The following METTL8 variants were observed in gnomAD, a reference collection of about 807,000 sequenced individuals.
METTL8 encodes methyltransferase 8, tRNA N3-cytidine, also known as tRNA N(3)-cytidine methyltransferase METTL8, mitochondrial.
In METTL8, 32 loss-of-function variants were observed where a neutral mutation model predicts 48.7. That is an observed-to-expected ratio of 0.66 (90% CI 0.50 to 0.88). METTL8 has a LOEUF of 0.88. Among genes scored for constraint, METTL8 ranks in the 40% least tolerant of loss-of-function variants. METTL8 has a pLI of 0.00. For missense variants in METTL8, 464 were observed against 474.4 expected (o/e 0.98, Z 0.20); for synonymous variants, 136 against 157.1 (o/e 0.87, Z 1.01).
intron 2 of METTL8, among the ~76,000 whole-genome samples, chr2:171,387,838 C>T (rs1238251933): frequency 2.0e-5 from 3 of 152,000 alleles, no homozygotes; most frequent in Non-Finnish European, 4.4e-5. Context: ...AATTGAGATT[C>T]GGTTGCAATA....
At chr2:171,429,895 C>G (rs1319336006) in intron 1 of METTL8, among the ~76,000 whole-genome samples, 1 of 151,954 alleles carries the variant, frequency 6.6e-6, no homozygotes, top group Non-Finnish European at 1.5e-5. Context: ...CAAAAATTAG[C>G]TGGGTGTGGT....
At chr2:171,340,242 C>G (rs1325598018) in intron 3 of METTL8, among the ~76,000 whole-genome samples, 1 of 149,126 alleles carries the variant, frequency 6.7e-6, no homozygotes, top group Non-Finnish European at 1.5e-5. Flanking sequence ...GTGGCTCATA[C>G]CTGTAATCCC....
At chr2:171,420,753 A>C (rs529778302) in intron 1 of METTL8, among the ~76,000 whole-genome samples, 234 of 152,328 alleles carry the variant, frequency 1.5e-3, no homozygotes, top group African/African-American at 5.2e-3. Context: ...AAGTATATCA[A>C]TGTAATTTGC....
At chr2:171,337,713 AC>A (rs1686264911) in intron 4 of METTL8, among the ~76,000 whole-genome samples, 1 of 152,050 alleles carries the variant, frequency 6.6e-6, no homozygotes, top group African/African-American at 2.4e-5. Flanking sequence ...ACACACCAAA[AC>A]CCAAAATAAA....
chr2:171,396,975 C>T (rs1014554553), intron 1 of METTL8, among the ~76,000 whole-genome samples: 1 of 151,034 alleles, frequency 6.6e-6, no homozygotes, highest in Non-Finnish European at 1.5e-5. Context: ...AGGCATGTAC[C>T]ACCACACCTG....
chr2:171,408,866 G>A (rs1690457946), intron 1 of METTL8, among the ~76,000 whole-genome samples: 2 of 152,076 alleles, frequency 1.3e-5, no homozygotes, highest in South Asian at 2.1e-4. Context: ...GCTTCTGGGA[G>A]GTAACACATG....
At chr2:171,390,761 G>A (rs1383965707) in intron 2 of METTL8, among the ~76,000 whole-genome samples, 1 of 152,138 alleles carries the variant, frequency 6.6e-6, no homozygotes, top group Non-Finnish European at 1.5e-5. Context: ...TTCTTGAGAT[G>A]GAATCTACTT....
chr2:171,360,367 G>A, intron 3 of METTL8, 55 bp downstream of exon 3: 4 of 1,449,982 alleles, frequency 2.8e-6, no homozygotes, highest in Non-Finnish European at 3.8e-6. Context: ...GACACGAGGA[G>A]GAGGAAAAGT....
chr2:171,331,424 C>CTT (rs34718824), intron 6 of METTL8, among the ~76,000 whole-genome samples: 1 of 132,114 alleles, frequency 7.6e-6, no homozygotes, highest in Non-Finnish European at 1.6e-5. Flanking sequence ...GGCCTTTCAT[C>CTT]TTTTTTTTTT....
intron 7 of METTL8, among the ~76,000 whole-genome samples, chr2:171,329,105 C>T (rs554934389): frequency 3.8e-4 from 58 of 152,280 alleles, no homozygotes; most frequent in African/African-American, 1.3e-3. Context: ...CCTGCCTCAG[C>T]CTCCCAAGGA....
chr2:171,372,552 T>C (rs1040235525), intron 2 of METTL8, among the ~76,000 whole-genome samples: 7 of 152,104 alleles, frequency 4.6e-5, no homozygotes, highest in African/African-American at 1.7e-4. Flanking sequence ...GTTACATATG[T>C]ATACATGCGC....
chr2:171,360,172 G>C (rs1685013196), intron 3 of METTL8, among the ~76,000 whole-genome samples: 2 of 152,160 alleles, frequency 1.3e-5, no homozygotes, highest in African/African-American at 4.8e-5. Flanking sequence ...TTCATATTTT[G>C]TTTGAAATGC....
chr2:171,362,254 A>C (rs931259224), intron 2 of METTL8, among the ~76,000 whole-genome samples: 1 of 152,154 alleles, frequency 6.6e-6, no homozygotes, highest in East Asian at 1.9e-4. Context: ...CCATGACTAA[A>C]GTGGTAGCTA....
intron 2 of METTL8, among the ~76,000 whole-genome samples, chr2:171,372,072 G>A (rs1686419293): frequency 6.6e-6 from 1 of 152,064 alleles, no homozygotes; most frequent in African/African-American, 2.4e-5. Context: ...TGGGATGGAG[G>A]TCACAGGTGC....
intron 5 of METTL8, among the ~76,000 whole-genome samples, chr2:171,333,829 T>C (rs1220663754): frequency 6.6e-6 from 1 of 152,198 alleles, no homozygotes; most frequent in Non-Finnish European, 1.5e-5. Flanking sequence ...GCTAGTTGCT[T>C]AATCTCTTCT....
At chr2:171,372,253 A>G (rs1686437429) in intron 2 of METTL8, among the ~76,000 whole-genome samples, 1 of 152,178 alleles carries the variant, frequency 6.6e-6, no homozygotes, top group South Asian at 2.1e-4. Context: ...TCAGGTAGAT[A>G]GCAAGATGGG....
intron 3 of METTL8, among the ~76,000 whole-genome samples, chr2:171,349,884 T>C (rs1282757813): frequency 6.6e-6 from 1 of 152,192 alleles, no homozygotes; most frequent in Admixed American, 6.5e-5. Context: ...TAGATATAAA[T>C]ATTTTCAGAG....
chr2:171,409,154 G>A (rs944353827), intron 1 of METTL8, among the ~76,000 whole-genome samples: 2 of 152,178 alleles, frequency 1.3e-5, no homozygotes, highest in Admixed American at 1.3e-4. Flanking sequence ...TGGCTAAGCC[G>A]GGACTTGAAG....
At chr2:171,366,898 A>AC (rs1460136410) in intron 2 of METTL8, among the ~76,000 whole-genome samples, 9 of 151,606 alleles carry the variant, frequency 5.9e-5, no homozygotes, top group Non-Finnish European at 5.9e-5. Flanking sequence ...CAAAAAAAAA[A>AC]AAAAAAAAAA....
Sources: gnomAD v4.1 joint callset for allele counts (sites outside exome capture counted in the v4.1 genomes callset) on GRCh38, gnomAD v4.1.1 for gene constraint, MANE v1.5 for transcripts, NCBI Gene and HGNC (gene_info 2026-07-23, HGNC 2026-07-21) for gene names.